The following DENND1A variants were observed in gnomAD, a reference collection of about 807,000 sequenced individuals.
The protein encoded by DENND1A is DENN domain containing 1A.
Under a neutral mutation model 113.7 loss-of-function variants are expected in DENND1A, and 51 were observed. The observed-to-expected ratio is 0.45, with a 90% CI of 0.36 to 0.57. The LOEUF (loss-of-function observed/expected upper bound fraction) is 0.57, where lower values mean the gene tolerates loss of function less well. DENND1A is among the 20% of genes least tolerant of loss of function. DENND1A has a pLI of 0.00. For missense variants in DENND1A, 1,258 were observed against 1,395.9 expected (o/e 0.90, Z 1.57); for synonymous variants, 565 against 570.8 (o/e 0.99, Z 0.14).
At chr9:123,567,920 C>T (rs879685539) in intron 12 of DENND1A, among the ~76,000 whole-genome samples, 1 of 152,142 alleles carries the variant, frequency 6.6e-6, no homozygotes, top group Admixed American at 6.5e-5. Context: ...TCTAAGAAAA[C>T]AGTAGGTTGC....
Position 123,769,501 on chromosome 9 carries a change from A to T in DENND1A, c.182+13T>A. The stretch of plus-strand genomic sequence containing the variant: ...TACTTTTTTTCTAGTAAAGTTTGAA[A>T]ATCTGACACTACCTGTCCACATAGA... On this transcript the variant is annotated intron_variant, in intron 4 of 23. Coordinates refer to ENST00000394215, the MANE Select transcript of DENND1A (RefSeq NM_001352964.2). The T allele has an allele frequency of 6.3e-7, 1 of 1,596,068 alleles. No homozygotes were observed. The highest frequency in any genetic ancestry group is 8.5e-7 in the Non-Finnish European group (1 of 1,174,700).
intron 5 of DENND1A, among the ~76,000 whole-genome samples, chr9:123,749,499 T>C (rs1299507473): frequency 6.6e-6 from 1 of 152,168 alleles, no homozygotes; most frequent in Non-Finnish European, 1.5e-5. Flanking sequence ...AGTCACTGTA[T>C]CTCTCTCAGT....
intron 6 of DENND1A, among the ~76,000 whole-genome samples, chr9:123,675,861 G>A (rs1456345655): frequency 6.6e-6 from 1 of 152,120 alleles, no homozygotes; most frequent in African/African-American, 2.4e-5. Flanking sequence ...ATCTTACAGT[G>A]GCCCATCTGG....
chr9:123,802,705 CTTT>C (rs559650822), intron 2 of DENND1A, among the ~76,000 whole-genome samples: 10 of 144,694 alleles, frequency 6.9e-5, no homozygotes, highest in African/African-American at 1.8e-4. Flanking sequence ...TCACTACTGC[CTTT>C]TTTTTTTTTT....
At chr9:123,830,873 G>GAAAAAAAAAAAAA (rs71390447) in intron 2 of DENND1A, among the ~76,000 whole-genome samples, 6 of 39,310 alleles carry the variant, frequency 1.5e-4, no homozygotes, top group Admixed American at 4.7e-4. Context: ...TCTCAAAAAT[G>GAAAAAAAAAAAAA]AAAAAAAAAA....
intron 19 of DENND1A, among the ~76,000 whole-genome samples, chr9:123,432,160 A>G (rs2046182153): frequency 6.6e-6 from 1 of 152,190 alleles, no homozygotes; most frequent in Non-Finnish European, 1.5e-5. Flanking sequence ...TAGCTCCCGA[A>G]TGTTCAACTC....
At chr9:123,917,558 C>T (rs1272778312) in intron 1 of DENND1A, among the ~76,000 whole-genome samples, 1 of 152,068 alleles carries the variant, frequency 6.6e-6, no homozygotes, top group Admixed American at 6.6e-5. Flanking sequence ...AATATGAACA[C>T]ATAATGCAAT....
At chr9:123,851,361 C>T (rs1843334817) in intron 2 of DENND1A, among the ~76,000 whole-genome samples, 1 of 152,132 alleles carries the variant, frequency 6.6e-6, no homozygotes, top group African/African-American at 2.4e-5. Context: ...ATAGCAATAC[C>T]TTGTTCCTTT....
At chr9:123,904,381 A>G (rs1452384374) in intron 1 of DENND1A, among the ~76,000 whole-genome samples, 5 of 151,886 alleles carry the variant, frequency 3.3e-5, no homozygotes, top group African/African-American at 4.8e-5. Context: ...TGACTTTGAC[A>G]AGCTGAGAGA....
Position 123,569,473 on chromosome 9 carries a change from C to T in DENND1A, c.868-11778G>A, listed in dbSNP as rs572287559. ...TTATTGCTGAGGTCTCTTCTGATGTCCCACAGTGCTCCTGCTCCAGCATCT... is the reference window on the plus strand; with the variant it reads ...TTATTGCTGAGGTCTCTTCTGATGTTCCACAGTGCTCCTGCTCCAGCATCT... On this transcript the variant is annotated intron_variant, in intron 12 of 23. Transcript: ENST00000394215. The T allele has an allele frequency of 2.1e-4, 32 of 152,350 alleles. No homozygotes were observed. In the East Asian group the frequency reaches 5.6e-3, roughly 27 times the overall value. 9.4% of individuals were successfully genotyped at this position (152,350 alleles called of 1,614,324 possible).
At chr9:123,585,847 C>T (rs1320743743) in intron 11 of DENND1A, among the ~76,000 whole-genome samples, 2 of 152,130 alleles carry the variant, frequency 1.3e-5, no homozygotes, top group Admixed American at 6.5e-5. Context: ...CTGTGGCCAC[C>T]CTGCTTCTCT....
chr9:123,477,590 G>A (rs1489547476), intron 13 of DENND1A, among the ~76,000 whole-genome samples: 1 of 151,972 alleles, frequency 6.6e-6, no homozygotes, highest in African/African-American at 2.4e-5. Context: ...GCCTGTCGGG[G>A]GAGGGTGGTG....
At chr9:123,408,184 A>T (rs1271564709) in intron 20 of DENND1A, among the ~76,000 whole-genome samples, 1 of 152,138 alleles carries the variant, frequency 6.6e-6, no homozygotes, top group South Asian at 2.1e-4. Flanking sequence ...GCCACACTGG[A>T]GGCTGATGGC....
chr9:123,849,824 C>A (rs1843086419), intron 2 of DENND1A, among the ~76,000 whole-genome samples: 1 of 152,106 alleles, frequency 6.6e-6, no homozygotes, highest in Non-Finnish European at 1.5e-5. Context: ...GAAGCTGATT[C>A]CAGCCCTCCT....
chr9:123,519,709 C>T (rs1214860633), intron 13 of DENND1A, among the ~76,000 whole-genome samples: 1 of 152,086 alleles, frequency 6.6e-6, no homozygotes, highest in East Asian at 1.9e-4. Flanking sequence ...TGAGCCACCA[C>T]ACCTGGCCTG....
Position 123,544,764 on chromosome 9 carries a change from G to A in DENND1A, c.993+12806C>T, listed in dbSNP as rs560326003. On this transcript the variant is annotated intron_variant, in intron 13 of 23. Coordinates refer to ENST00000394215, the MANE Select transcript of DENND1A (RefSeq NM_001352964.2). ...TTCAGGTCTTAATGATTTATTTAAC[G>A]AAGCTGTTTTATAGCTTCCAAACAA... 4.0e-4 allele frequency among the ~76,000 whole-genome samples: 61 copies of A among 152,210 alleles called. 1 individual carries two copies. Among genetic ancestry groups the A allele is most frequent in the East Asian group, 1.4e-3 (7 of 5,184 alleles).
intron 2 of DENND1A, among the ~76,000 whole-genome samples, chr9:123,815,993 CTTTTT>C (rs1170659580): frequency 2.8e-4 from 22 of 79,784 alleles, no homozygotes; most frequent in African/African-American, 8.8e-4. Flanking sequence ...AGTGACTGTA[CTTTTT>C]TTTTTTTTTT....
intron 18 of DENND1A, among the ~76,000 whole-genome samples, chr9:123,445,808 G>A (rs1037343746): frequency 3.3e-5 from 5 of 152,072 alleles, no homozygotes; most frequent in African/African-American, 9.7e-5. Context: ...TGGAGTTTGC[G>A]GTGAGCTGAG....
At chr9:123,841,794 A>G (rs1329901236) in intron 2 of DENND1A, among the ~76,000 whole-genome samples, 1 of 152,188 alleles carries the variant, frequency 6.6e-6, no homozygotes, top group African/African-American at 2.4e-5. Context: ...AGGTAAATCA[A>G]TCAAATTTTT....
Sources: gnomAD v4.1 joint callset for allele counts (sites outside exome capture counted in the v4.1 genomes callset) on GRCh38, gnomAD v4.1.1 for gene constraint, MANE v1.5 for transcripts, NCBI Gene and HGNC (gene_info 2026-07-23, HGNC 2026-07-21) for gene names.